TXNL4A: variants seen among roughly 807,000 people sequenced by gnomAD.
TXNL4A encodes thioredoxin-like protein 4A.
A neutral mutation model predicts 14.6 loss-of-function variants in TXNL4A; 17 were observed. That is an observed-to-expected ratio of 1.16 (90% CI 0.80 to 1.74). The LOEUF is 1.74. Ranked by LOEUF, TXNL4A falls within the 40% of genes most tolerant of loss-of-function variation. The pLI, the probability that TXNL4A is intolerant of heterozygous loss-of-function variation, is 0.00. For missense variants in TXNL4A, 74 were observed against 195.2 expected, an observed-to-expected ratio of 0.38 and a Z score of 3.70; for synonymous variants, 83 against 70.6, an observed-to-expected ratio of 1.18 and a Z score of -0.88.
At chr18:80,027,333 A>G (rs1163770919) in intron 1 of TXNL4A, among the ~76,000 whole-genome samples, 4 of 152,000 alleles carry the variant, frequency 2.6e-5, no homozygotes, top group African/African-American at 9.7e-5. Flanking sequence ...ACAAAAACAA[A>G]AAAACAAGCA....
In TXNL4A at chr18:79,982,212, G is replaced by A. The variant is rs1391871258; in HGVS notation, c.154-4511C>T. ...GGTCTCAGATCCAGCACCAGGGCAA[G>A]GAAGCAGAAGTGCAGGACAGTGGGG... On this transcript the variant is annotated intron_variant, in intron 1 of 2. Transcript: ENST00000269601. The surrounding 1 kb of genome is among the most constrained non-coding windows in gnomAD (Gnocchi z 4.0). Among the ~76,000 whole-genome samples, 1 of 149,152 alleles carries A rather than the reference G, an allele frequency of 6.7e-6. No individual in the cohort carries two copies. Among genetic ancestry groups the A allele is most frequent in the Non-Finnish European group, 1.5e-5 (1 of 66,298 alleles).
chr18:80,007,563 C>A (rs950554296), intron 1 of TXNL4A, among the ~76,000 whole-genome samples: 11 of 151,278 alleles, frequency 7.3e-5, no homozygotes, highest in African/African-American at 2.4e-4. Context: ...TTGGGCCTGG[C>A]GCTGGGCTGC....
intron 1 of TXNL4A, among the ~76,000 whole-genome samples, chr18:80,021,870 A>G (rs2051851503): frequency 6.6e-6 from 1 of 152,162 alleles, no homozygotes; most frequent in Admixed American, 6.5e-5. Context: ...TAACAGTTGT[A>G]GCCTGGCCAA....
At chr18:80,027,204 G>A (rs967869246) in intron 1 of TXNL4A, among the ~76,000 whole-genome samples, 1 of 151,978 alleles carries the variant, frequency 6.6e-6, no homozygotes, top group Non-Finnish European at 1.5e-5. Flanking sequence ...TTTTGTCTCC[G>A]ATATTGTAGA....
chr18:79,996,630 C>A (rs1190132051), intron 1 of TXNL4A, among the ~76,000 whole-genome samples: 1 of 152,116 alleles, frequency 6.6e-6, no homozygotes, highest in East Asian at 1.9e-4. Context: ...AAGCCAGGGA[C>A]CAACAATATC....
intron 1 of TXNL4A, chr18:79,986,745 C>T (rs1197297947): frequency 3.0e-6 from 3 of 985,474 alleles, no homozygotes; most frequent in Non-Finnish European, 3.6e-6. Context: ...ATGTTTATGC[C>T]ACCACCTGCA....
intron 1 of TXNL4A, among the ~76,000 whole-genome samples, chr18:80,014,401 T>G (rs1408535659): frequency 1.3e-5 from 2 of 152,132 alleles, no homozygotes; most frequent in Non-Finnish European, 2.9e-5. Flanking sequence ...CCATTCCAAA[T>G]GGGAGAAACT....
At chr18:80,009,361 C>T (rs990961089) in intron 1 of TXNL4A, among the ~76,000 whole-genome samples, 10 of 152,188 alleles carry the variant, frequency 6.6e-5, no homozygotes, top group East Asian at 1.9e-4. Flanking sequence ...CCATATTTCA[C>T]GGGGCGTTTA....
intron 1 of TXNL4A, among the ~76,000 whole-genome samples, chr18:80,012,551 C>CAT (rs1348121707): frequency 6.6e-6 from 1 of 152,158 alleles, no homozygotes; most frequent in East Asian, 1.9e-4. Flanking sequence ...TGTTGTGGTT[C>CAT]ATGAGAGTTT....
At position 79,977,816 on chromosome 18, in the gene TXNL4A, TTTTG is replaced by T. The variant is rs869037340; in HGVS notation, c.154-119_154-116del. 57 of 604,514 alleles carry T rather than the reference TTTTG, an allele frequency of 9.4e-5. No homozygotes were observed. The Admixed American group carries it at 1.7e-3, about 18-fold the overall frequency. The allele number at this position is 604,514 out of a possible 1,614,324, so 37.4% of individuals were successfully genotyped here. ...TTTGTGTGGATCAGGGCAATTTTTG[TTTTG>T]TTTTTTTGAGACAGGGTCTCACTCT... On this transcript the variant is annotated intron_variant, in intron 1 of 2. Transcript: ENST00000269601.
At chr18:79,993,529 C>A (rs1481118292), upstream of TXNL4A, among the ~76,000 whole-genome samples, 1 of 152,154 alleles carries the variant, frequency 6.6e-6, no homozygotes, top group Non-Finnish European at 1.5e-5. The surrounding 1 kb of genome is among the most constrained non-coding windows in gnomAD (Gnocchi z 4.4). Flanking sequence ...TCTGCTTACA[C>A]TTGAGTGCTC....
At chr18:79,986,247 G>A (rs946108131) in intron 1 of TXNL4A, among the ~76,000 whole-genome samples, 11 of 152,114 alleles carry the variant, frequency 7.2e-5, no homozygotes, top group African/African-American at 2.4e-4. Flanking sequence ...TATTGTCCAG[G>A]CTGGTCTCGA....
chr18:80,032,410 G>T (rs936266014), intron 1 of TXNL4A, among the ~76,000 whole-genome samples: 6 of 152,328 alleles, frequency 3.9e-5, no homozygotes, highest in African/African-American at 1.4e-4. Context: ...TAGCCAAAGG[G>T]AAGAGTCAAG....
chr18:80,030,783 A>G (rs978761026), intron 1 of TXNL4A, among the ~76,000 whole-genome samples: 2 of 152,166 alleles, frequency 1.3e-5, no homozygotes, highest in African/African-American at 4.8e-5. Context: ...CCTGGTCAAC[A>G]TGGTGAAACC....
upstream of TXNL4A, among the ~76,000 whole-genome samples, chr18:79,991,388 G>A (rs1425691955): frequency 6.6e-6 from 1 of 151,848 alleles, no homozygotes; most frequent in Non-Finnish European, 1.5e-5. Context: ...ATATGGAGTC[G>A]TTTGTGACTG....
intron 1 of TXNL4A, among the ~76,000 whole-genome samples, chr18:79,981,862 C>T (rs574313847): frequency 2.0e-5 from 3 of 152,352 alleles, no homozygotes; most frequent in African/African-American, 7.2e-5. Context: ...CACCACAGAC[C>T]AGTTTCATGA....
chr18:79,979,724 CCA>C (rs2051434419), intron 1 of TXNL4A: 1 of 152,194 alleles, frequency 6.6e-6, no homozygotes, highest in African/African-American at 2.4e-5. Context: ...GCCTCCTACA[CCA>C]TTCTTCTGTT....
intron 1 of TXNL4A, among the ~76,000 whole-genome samples, chr18:79,983,663 C>T (rs914435746): frequency 6.6e-6 from 1 of 152,170 alleles, no homozygotes; most frequent in Admixed American, 6.5e-5. Flanking sequence ...ATAAAAAAAA[C>T]TGAAAAACTT....
intron 1 of TXNL4A, among the ~76,000 whole-genome samples, chr18:79,978,795 T>TTAAG: frequency 6.6e-6 from 1 of 151,598 alleles, no homozygotes; most frequent in East Asian, 1.9e-4. Context: ...CGCCTGGCAA[T>TTAAG]ATTTTTACTA....
Sources: gnomAD v4.1 joint callset for allele counts (sites outside exome capture counted in the v4.1 genomes callset) on GRCh38, gnomAD v4.1.1 for gene constraint, Gnocchi (gnomAD v3.1) non-coding constraint, MANE v1.5 for transcripts, NCBI Gene and HGNC (gene_info 2026-07-23, HGNC 2026-07-21) for gene names.